THSD4: variants seen among roughly 807,000 people sequenced by gnomAD.
The protein encoded by THSD4 is thrombospondin type-1 domain-containing protein 4.
Under a neutral mutation model 119.0 loss-of-function variants are expected in THSD4, and 69 were observed. That is an observed-to-expected ratio of 0.58 (90% CI 0.48 to 0.71). THSD4 has a LOEUF of 0.71. THSD4 is among the 30% of genes least tolerant of loss of function. The probability of loss-of-function intolerance (pLI) is 0.00; values close to 1 mark genes in which losing one functional copy is unlikely to be tolerated. For synonymous variants in THSD4, 524 were observed against 540.4 expected (o/e 0.97, Z 0.42); for missense variants, 1,393 against 1,391.1 (o/e 1.00, Z -0.02).
intron 7 of THSD4, among the ~76,000 whole-genome samples, chr15:71,500,640 A>C (rs1595831825): frequency 2.0e-5 from 3 of 152,334 alleles, no homozygotes; most frequent in Admixed American, 2.0e-4. Flanking sequence ...ATCCGTTTTC[A>C]GTTAATTTTT....
intron 7 of THSD4, among the ~76,000 whole-genome samples, chr15:71,526,380 G>A (rs747244614): frequency 7.9e-5 from 12 of 152,270 alleles, no homozygotes; most frequent in Non-Finnish European, 1.5e-4. Flanking sequence ...ATATTTTCCA[G>A]TTACTTCTTT....
chr15:71,751,772 A>G (rs766240663), intron 14 of THSD4, among the ~76,000 whole-genome samples: 7 of 151,958 alleles, frequency 4.6e-5, no homozygotes, highest in South Asian at 2.1e-4. Flanking sequence ...GGCTCTAGTG[A>G]TCCTCCCTCC....
At chr15:71,750,347 T>C (rs953563009) in intron 14 of THSD4, among the ~76,000 whole-genome samples, 2 of 152,180 alleles carry the variant, frequency 1.3e-5, no homozygotes, top group Non-Finnish European at 2.9e-5. Context: ...ATGCACCTGT[T>C]ATTGAGTATT....
chr15:71,608,875 C>T (rs1437589148), intron 7 of THSD4, among the ~76,000 whole-genome samples: 2 of 152,110 alleles, frequency 1.3e-5, no homozygotes, highest in Admixed American at 6.5e-5. Flanking sequence ...AAAGTGGGGC[C>T]GGTGGATGAT....
chr15:71,418,799 T>A (rs1378833930), intron 7 of THSD4, among the ~76,000 whole-genome samples: 1 of 109,212 alleles, frequency 9.2e-6, no homozygotes, highest in African/African-American at 3.1e-5. Context: ...GGCTATTGGG[T>A]CCCAATCTTC....
chr15:71,434,434 C>CT (rs34097873), intron 7 of THSD4, among the ~76,000 whole-genome samples: 1,788 of 82,558 alleles, frequency 0.022, 124 homozygotes, highest in African/African-American at 0.05. Context: ...TCAGTGGTCC[C>CT]TTTTTTTTTT....
At chr15:71,358,346 TA>T (rs1368028301) in intron 6 of THSD4, among the ~76,000 whole-genome samples, 1 of 152,222 alleles carries the variant, frequency 6.6e-6, no homozygotes, top group Non-Finnish European at 1.5e-5. Flanking sequence ...AGGGACTATT[TA>T]GTGACTGTTA....
chr15:71,389,812 T>TG (rs1453237529), intron 6 of THSD4, among the ~76,000 whole-genome samples: 2 of 122,312 alleles, frequency 1.6e-5, no homozygotes, highest in East Asian at 4.4e-4. Flanking sequence ...TCTGGGTTGT[T>TG]TTTTTTTTTT....
intron 8 of THSD4, among the ~76,000 whole-genome samples, chr15:71,679,947 A>G (rs1342740592): frequency 6.6e-6 from 1 of 152,140 alleles, no homozygotes; most frequent in African/African-American, 2.4e-5. Flanking sequence ...AGAAAACCAG[A>G]GTTTTTGCGT....
At chr15:71,561,413 C>G (rs768717970) in intron 7 of THSD4, among the ~76,000 whole-genome samples, 1 of 152,174 alleles carries the variant, frequency 6.6e-6, no homozygotes, top group Non-Finnish European at 1.5e-5. Flanking sequence ...AAATTGATCT[C>G]TCAAGCCTAA....
intron 8 of THSD4, among the ~76,000 whole-genome samples, chr15:71,666,308 A>T (rs2051415999): frequency 6.6e-6 from 1 of 152,174 alleles, no homozygotes; most frequent in Non-Finnish European, 1.5e-5. Context: ...TTAAATGAGC[A>T]TCCCTAGGAT....
In THSD4 at chr15:71,337,444, G is replaced by A. The variant is rs369906644; in HGVS notation, c.1016-74243G>A. Among the ~76,000 whole-genome samples the A allele has an allele frequency of 9.0e-4, 137 of 152,322 alleles. 4 individuals are homozygous for A. In the South Asian group the frequency reaches 0.026, roughly 29 times the overall value. ...AGTGTTTCAGCCCAGGAGAAAAACC[G>A]CAAATACTTGCCTTGTGAGCCAAAC... On this transcript the variant is annotated intron_variant, in intron 6 of 17. Coordinates refer to ENST00000261862, the MANE Select transcript of THSD4 (RefSeq NM_024817.3).
rs1263435121 is a variant in THSD4, at chr15:71,184,874, TTCA to T, written c.99+29944_99+29946del. On this transcript the variant is annotated intron_variant, in intron 3 of 17. Coordinates refer to ENST00000261862, the MANE Select transcript of THSD4 (RefSeq NM_024817.3). Reference sequence around the variant, plus strand: ...TTTCGTTTTGTTGTTTTGTTTTGTTTTCATGTTAATAATGTCACTGAGACCCAC... The same window carrying T: ...TTTCGTTTTGTTGTTTTGTTTTGTTTTGTTAATAATGTCACTGAGACCCAC... Among the ~76,000 whole-genome samples the T allele has an allele frequency of 2.1e-4, 32 of 151,900 alleles. 1 individual carries two copies. The East Asian group carries it at 6.2e-3, about 29-fold the overall frequency.
chr15:71,317,286 A>G (rs2045200758), intron 6 of THSD4, among the ~76,000 whole-genome samples: 1 of 152,224 alleles, frequency 6.6e-6, no homozygotes, highest in South Asian at 2.1e-4. Context: ...AAGATGGTGT[A>G]TTAGTCCATT....
chr15:71,469,423 C>A (rs2047542424), intron 7 of THSD4, among the ~76,000 whole-genome samples: 1 of 152,124 alleles, frequency 6.6e-6, no homozygotes, highest in Admixed American at 6.5e-5. Context: ...AGTCAGCAAC[C>A]CATGGAGAAC....
chr15:71,476,755 G>C (rs1353091260), intron 7 of THSD4, among the ~76,000 whole-genome samples: 3 of 152,200 alleles, frequency 2.0e-5, no homozygotes, highest in Admixed American at 6.5e-5. Flanking sequence ...TCTCTGCTGA[G>C]CAGTTGTTCA....
At chr15:71,281,435 A>G (rs960774763) in intron 6 of THSD4, among the ~76,000 whole-genome samples, 6 of 152,256 alleles carry the variant, frequency 3.9e-5, no homozygotes, top group African/African-American at 1.2e-4. Context: ...GGGAGCCTCT[A>G]TAAACATTCT....
At chr15:71,122,772 G>C (rs2040419003) in intron 1 of THSD4, among the ~76,000 whole-genome samples, 1 of 152,112 alleles carries the variant, frequency 6.6e-6, no homozygotes, top group Non-Finnish European at 1.5e-5. Flanking sequence ...GATCTAGGTT[G>C]TTTCTAGTTT....
intron 8 of THSD4, among the ~76,000 whole-genome samples, chr15:71,670,265 G>A (rs60555557): frequency 0.09 from 13,546 of 150,688 alleles, 900 homozygotes; most frequent in East Asian, 0.3. Flanking sequence ...GGTGTGTGAT[G>A]TTCCCTGCCC....
Sources: allele counts gnomAD v4.1 joint callset (sites outside exome capture counted in the v4.1 genomes callset), GRCh38; gene constraint gnomAD v4.1.1; transcripts MANE v1.5; gene names NCBI Gene and HGNC (gene_info 2026-07-23, HGNC 2026-07-21).